PRKG1: variants seen among roughly 807,000 people sequenced by gnomAD.
PRKG1 encodes cGMP-dependent protein kinase 1.
A neutral mutation model predicts 88.1 loss-of-function variants in PRKG1; 35 were observed. That is an observed-to-expected ratio of 0.40 (90% CI 0.30 to 0.53). The LOEUF (loss-of-function observed/expected upper bound fraction) is 0.53, where lower values mean the gene tolerates loss of function less well. Ranked by LOEUF, PRKG1 falls within the 20% of genes least tolerant of loss-of-function variation. The probability of loss-of-function intolerance (pLI) is 0.59; values close to 1 mark genes in which losing one functional copy is unlikely to be tolerated. For missense variants in PRKG1, 540 were observed against 839.8 expected (o/e 0.64, Z 4.41); for synonymous variants, 303 against 292.5 (o/e 1.04, Z -0.37).
intron 4 of PRKG1, among the ~76,000 whole-genome samples, chr10:51,833,761 A>G (rs766642477): frequency 1.2e-4 from 19 of 152,274 alleles, no homozygotes; most frequent in Non-Finnish European, 2.4e-4. Flanking sequence ...ATTAATTACA[A>G]TCACCTTGCT....
intron 12 of PRKG1, among the ~76,000 whole-genome samples, chr10:52,273,526 C>T (rs1357173814): frequency 6.6e-6 from 1 of 152,000 alleles, no homozygotes; most frequent in Non-Finnish European, 1.5e-5. Context: ...TCCTTATGAA[C>T]TGTTGATTTA....
intron 2 of PRKG1, among the ~76,000 whole-genome samples, chr10:51,189,967 G>C (rs1343411674): frequency 6.6e-6 from 1 of 151,738 alleles, no homozygotes; most frequent in African/African-American, 2.4e-5. Context: ...TAACAGGCAG[G>C]GTCCAGATTT....
intron 4 of PRKG1, among the ~76,000 whole-genome samples, chr10:51,886,212 G>A (rs6480542): frequency 0.24 from 35,774 of 151,942 alleles, 4,730 homozygotes; most frequent in African/African-American, 0.29. Context: ...TACTTAATAT[G>A]TATTTTACAG....
chr10:51,439,101 G>A (rs954098891), intron 2 of PRKG1, among the ~76,000 whole-genome samples: 1 of 151,700 alleles, frequency 6.6e-6, no homozygotes, highest in African/African-American at 2.4e-5. Flanking sequence ...TAGTCAAATA[G>A]GTAGTTGCAG....
intron 3 of PRKG1, among the ~76,000 whole-genome samples, chr10:51,472,165 A>G (rs1840064869): frequency 6.6e-6 from 1 of 151,928 alleles, no homozygotes; most frequent in Admixed American, 6.6e-5. Context: ...AAGTTGACTA[A>G]TTAAGATATT....
rs1840157397 is a variant in PRKG1 at position 52,218,152 on chromosome 10, C to T, written c.1077-33418C>T. 2.1e-5 allele frequency among the ~76,000 whole-genome samples: 3 copies of T among 145,758 alleles called. No homozygotes were observed. The Admixed American group carries it at 2.1e-4, about 10-fold the overall frequency. ...ACCTGAACCTGGGAGGCAGAGGTTA[C>T]AGTGAGCCTAGATCACCCACTGCAC... On this transcript the variant is annotated intron_variant, in intron 9 of 17. Transcript: ENST00000373980.
At chr10:52,147,502 G>T (rs1837762828) in intron 8 of PRKG1, among the ~76,000 whole-genome samples, 1 of 152,198 alleles carries the variant, frequency 6.6e-6, no homozygotes, top group Non-Finnish European at 1.5e-5. Context: ...GAGTTACATT[G>T]CTGTATTGGA....
At chr10:51,793,391 G>C (rs1367182155) in intron 3 of PRKG1, among the ~76,000 whole-genome samples, 1 of 151,958 alleles carries the variant, frequency 6.6e-6, no homozygotes, top group Non-Finnish European at 1.5e-5. Flanking sequence ...CAAAAAACTT[G>C]TGAAATTTAT....
intron 3 of PRKG1, among the ~76,000 whole-genome samples, chr10:51,547,124 A>G (rs1311133053): frequency 6.6e-6 from 1 of 152,080 alleles, no homozygotes; most frequent in Non-Finnish European, 1.5e-5. Context: ...TCACCCTAAT[A>G]TATACATACA....
chr10:51,140,903 G>A (rs183131821), intron 1 of PRKG1, among the ~76,000 whole-genome samples: 79 of 152,264 alleles, frequency 5.2e-4, no homozygotes, highest in Non-Finnish European at 6.3e-4. Context: ...GAACTGCTGC[G>A]CCAGAAACAT....
chr10:51,226,450 A>G (rs183520139), intron 2 of PRKG1, among the ~76,000 whole-genome samples: 1 of 152,230 alleles, frequency 6.6e-6, no homozygotes, highest in Admixed American at 6.5e-5. Flanking sequence ...GTTCCCTATA[A>G]TGTCTTTATC....
At chr10:52,073,817 A>T (rs1159021318) in intron 7 of PRKG1, among the ~76,000 whole-genome samples, 2 of 152,206 alleles carry the variant, frequency 1.3e-5, no homozygotes, top group East Asian at 3.8e-4. Flanking sequence ...CTGTATCCTG[A>T]TTTTAGAGAA....
intron 2 of PRKG1, among the ~76,000 whole-genome samples, chr10:51,211,688 C>T (rs1838224951): frequency 6.6e-6 from 1 of 152,144 alleles, no homozygotes; most frequent in Non-Finnish European, 1.5e-5. Flanking sequence ...AAACAGAGAG[C>T]CAAATCATGA....
At chr10:51,738,906 A>G (rs1837360664) in intron 3 of PRKG1, among the ~76,000 whole-genome samples, 1 of 152,208 alleles carries the variant, frequency 6.6e-6, no homozygotes, top group Admixed American at 6.5e-5. Flanking sequence ...GTTAGCTTCA[A>G]GTTGTATTTA....
At chr10:51,607,113 G>GTGGTAAAAA (rs1458919679) in intron 3 of PRKG1, among the ~76,000 whole-genome samples, 3 of 152,190 alleles carry the variant, frequency 2.0e-5, no homozygotes, top group Non-Finnish European at 4.4e-5. Flanking sequence ...GGCATCCTAT[G>GTGGTAAAAA]TGGTAAAAAT....
At chr10:51,466,188 G>A (rs1000390829) in intron 2 of PRKG1, among the ~76,000 whole-genome samples, 2 of 152,098 alleles carry the variant, frequency 1.3e-5, no homozygotes, top group African/African-American at 4.8e-5. Flanking sequence ...CTGAAAAAAA[G>A]GAAGGAAAAT....
At chr10:52,114,698 G>T (rs530196747) in intron 7 of PRKG1, among the ~76,000 whole-genome samples, 15 of 152,106 alleles carry the variant, frequency 9.9e-5, no homozygotes, top group African/African-American at 3.6e-4. Context: ...ACCCTATTTT[G>T]CTATCATATA....
At chr10:51,202,882 C>T (rs1837950008) in intron 2 of PRKG1, among the ~76,000 whole-genome samples, 1 of 152,162 alleles carries the variant, frequency 6.6e-6, no homozygotes, top group South Asian at 2.1e-4. Context: ...ATTTTTTGAG[C>T]ATCACATTGA....
chr10:51,295,368 G>A (rs1840693167), intron 2 of PRKG1, among the ~76,000 whole-genome samples: 1 of 151,832 alleles, frequency 6.6e-6, no homozygotes, highest in African/African-American at 2.4e-5. Context: ...TTCATCCTAA[G>A]TATTTTATTC....
Sources: gnomAD v4.1 joint callset for allele counts (sites outside exome capture counted in the v4.1 genomes callset) on GRCh38, gnomAD v4.1.1 for gene constraint, MANE v1.5 for transcripts, NCBI Gene and HGNC (gene_info 2026-07-23, HGNC 2026-07-21) for gene names.